NWD1: variants seen among roughly 807,000 people sequenced by gnomAD.
The protein encoded by NWD1 is NACHT and WD repeat domain containing 1, also known as NACHT domain- and WD repeat-containing protein 1.
A neutral mutation model predicts 135.1 loss-of-function variants in NWD1; 129 were observed. That is an observed-to-expected ratio of 0.96 (90% CI 0.83 to 1.11). NWD1 has a LOEUF of 1.11. NWD1 is among the 50% of genes least tolerant of loss of function. NWD1 has a pLI of 0.00. For synonymous variants in NWD1, 773 were observed against 786.0 expected (o/e 0.98, Z 0.28); for missense variants, 1,740 against 1,851.3 (o/e 0.94, Z 1.10).
In NWD1 at chr19:16,773,113, C is replaced by A. The variant is rs1969471573; in HGVS notation, c.2411-13C>A. 1 of 1,612,332 alleles carries A rather than the reference C, an allele frequency of 6.2e-7. No individual in the cohort carries two copies. Among genetic ancestry groups the A allele is most frequent in the South Asian group, 1.1e-5 (1 of 91,064 alleles). On this transcript the variant is annotated splice_polypyrimidine_tract_variant and intron_variant, in intron 10 of 18. Coordinates refer to ENST00000524140, the MANE Select transcript of NWD1 (RefSeq NM_001007525.5). The stretch of plus-strand genomic sequence containing the variant: ...TCAATCCAGGCAACTTAGTCTACAT[C>A]CCTTTGTTGCAGAGAGGAGCCTCCT...
intron 12 of NWD1, among the ~76,000 whole-genome samples, chr19:16,780,036 T>G (rs551600056): frequency 6.6e-6 from 1 of 152,104 alleles, no homozygotes; most frequent in African/African-American, 2.4e-5. Context: ...AGTCAGTCAG[T>G]GGATTATCTA....
rs527696514 is a variant in NWD1 at position 16,725,960 on chromosome 19, G to GT, written c.-7+1506dup. Among the ~76,000 whole-genome samples, 1,069 of 133,920 alleles carry GT rather than the reference G, an allele frequency of 8.0e-3. 9 individuals are homozygous for GT. The highest frequency in any genetic ancestry group is 0.041 in the South Asian group (169 of 4,088). 87.9% of individuals were successfully genotyped at this position (133,920 alleles called of 152,430 possible). ...TAGCTACATTGTTTTTTTTTTGTTT[G>GT]TTTTTTTTTGCTTTTTTTTTAGACA... On this transcript the variant is annotated intron_variant, in intron 2 of 18. Transcript: ENST00000524140.
At position 16,808,232 on chromosome 19, in the gene NWD1, C is replaced by T. The variant is rs141666135; in HGVS notation, c.4287+96C>T. Reference sequence around the variant, plus strand: ...CTAAGCACACACCATGGGCCATCGACCAGGATGGGACTGGGGTGATGAAAA... The same window carrying T: ...CTAAGCACACACCATGGGCCATCGATCAGGATGGGACTGGGGTGATGAAAA... On this transcript the variant is annotated intron_variant, in intron 18 of 18. Coordinates refer to ENST00000524140, the MANE Select transcript of NWD1 (RefSeq NM_001007525.5). 1,684 of 1,162,860 alleles carry T rather than the reference C, an allele frequency of 1.4e-3. 16 individuals carry two copies. In the African/African-American group the frequency reaches 0.022, roughly 15 times the overall value. 72.0% of individuals were successfully genotyped at this position (1,162,860 alleles called of 1,614,324 possible).
intron 9 of NWD1, 44 bp from the exon 10 acceptor site, chr19:16,764,990 G>A (rs999124069): frequency 6.9e-6 from 11 of 1,603,644 alleles, no homozygotes; most frequent in African/African-American, 6.7e-5. Context: ...ATGAACTGGA[G>A]GGAGGTAGGC....
intron 6 of NWD1, among the ~76,000 whole-genome samples, chr19:16,754,669 A>C (rs1468585900): frequency 6.7e-6 from 1 of 148,526 alleles, no homozygotes; most frequent in Admixed American, 6.7e-5. Flanking sequence ...CCTTGCATCC[A>C]TCATCTCTAT....
chr19:16,809,357 A>G (rs1203908030), intron 18 of NWD1, among the ~76,000 whole-genome samples: 1 of 151,970 alleles, frequency 6.6e-6, no homozygotes, highest in East Asian at 1.9e-4. Context: ...TACAGGTTTG[A>G]GCCACTGCAC....
At chr19:16,755,269 G>T (rs994759352) in intron 6 of NWD1, among the ~76,000 whole-genome samples, 1 of 152,122 alleles carries the variant, frequency 6.6e-6, no homozygotes, top group South Asian at 2.1e-4. Flanking sequence ...AGACTGGAGT[G>T]CACTGAAGCG....
intron 18 of NWD1, among the ~76,000 whole-genome samples, chr19:16,813,400 A>G (rs1458758008): frequency 6.6e-6 from 1 of 152,116 alleles, no homozygotes; most frequent in Non-Finnish European, 1.5e-5. Flanking sequence ...ATGTTTATAT[A>G]TGGTGTCTTC....
Position 16,790,638 on chromosome 19 carries a change from AAAAT to A in NWD1, c.2941-680_2941-677del, listed in dbSNP as rs1555730370. On this transcript the variant is annotated intron_variant, in intron 13 of 18. Coordinates refer to ENST00000524140, the MANE Select transcript of NWD1 (RefSeq NM_001007525.5). ...CCAAAACTGAAAGTAACATTAAAAA[AAAAT>A]AAATAAATAAATAAATAAATAAATA... Among the ~76,000 whole-genome samples, 87 of 56,948 alleles carry A rather than the reference AAAAT, an allele frequency of 1.5e-3. 2 individuals are homozygous for A. The East Asian group carries it at 0.019, about 13-fold the overall frequency. 37.4% of individuals were successfully genotyped at this position (56,948 alleles called of 152,430 possible).
At chr19:16,743,664 A>G (rs1031544057) in intron 4 of NWD1, among the ~76,000 whole-genome samples, 2 of 145,732 alleles carry the variant, frequency 1.4e-5, no homozygotes, top group Admixed American at 6.7e-5. Context: ...ATATTTATTT[A>G]TTTATTTATT....
rs539840352 is a variant in NWD1 at position 16,808,614 on chromosome 19, A to T, written c.4287+478A>T. Among the ~76,000 whole-genome samples the T allele has an allele frequency of 1.0e-3, 155 of 149,396 alleles. 2 individuals are homozygous for T. The South Asian group carries it at 0.023, about 22-fold the overall frequency. The stretch of plus-strand genomic sequence containing the variant: ...CAGAAGCAAAGTTTTTTTTGTTTTC[A>T]TTTTTTTTTTAAAGAGACAGGGACC... On this transcript the variant is annotated intron_variant, in intron 18 of 18. Transcript: ENST00000524140.
intron 4 of NWD1, among the ~76,000 whole-genome samples, chr19:16,739,728 C>T (rs935510941): frequency 2.0e-5 from 3 of 152,124 alleles, no homozygotes; most frequent in Admixed American, 2.0e-4. Context: ...AGTCATTAGG[C>T]AGCACCGAGG....
intron 10 of NWD1, among the ~76,000 whole-genome samples, chr19:16,771,781 T>C (rs1165617801): frequency 6.6e-6 from 1 of 151,210 alleles, no homozygotes; most frequent in East Asian, 1.9e-4. Context: ...CGCTGGCGAA[T>C]GGGGACCATT....
chr19:16,748,098 C>T (rs1968399166), intron 5 of NWD1, among the ~76,000 whole-genome samples: 1 of 152,180 alleles, frequency 6.6e-6, no homozygotes, highest in Non-Finnish European at 1.5e-5. Context: ...ATTCTCCTGT[C>T]TTAGCCTCTT....
Position 16,749,215 on chromosome 19 carries a change from G to C in NWD1, c.573G>C (p.Glu191Asp). ...AGGGAGCCACCGTCTTCCTTAGAGA[G>C]ATCCAAGACCTCCACAAACACATCC... ...REQGATVFLREIQDLHKHILE... is the reference protein window; with the variant it reads ...REQGATVFLRDIQDLHKHILE... The change falls in exon 6 of 19, where the codon GAG (glutamate) becomes GAC (aspartate). Residue 191 changes from glutamate to aspartate, a missense_variant. Glu to Asp is a conservative substitution (Grantham distance 45). Transcript: ENST00000524140. 6.2e-7 allele frequency: 1 copy of C among 1,614,100 alleles called. No individual in the cohort carries two copies. The highest frequency in any genetic ancestry group is 8.5e-7 in the Non-Finnish European group (1 of 1,180,020).
chr19:16,806,835 C>G (rs922047612), intron 17 of NWD1, among the ~76,000 whole-genome samples: 5 of 149,190 alleles, frequency 3.4e-5, no homozygotes, highest in Non-Finnish European at 6.0e-5. Flanking sequence ...GCCAATATAG[C>G]GAAACCCCGT....
chr19:16,767,982 C>CTTTTTTTT (rs963453075), intron 10 of NWD1, among the ~76,000 whole-genome samples: 10 of 83,598 alleles, frequency 1.2e-4, no homozygotes, highest in Non-Finnish European at 1.8e-4. Flanking sequence ...AATTTCCTTC[C>CTTTTTTTT]TTTTTTTTTT....
At position 16,779,835 on chromosome 19, in the gene NWD1, T is replaced by C. The variant is rs193149632; in HGVS notation, c.2731+370T>C. Among the ~76,000 whole-genome samples the C allele has an allele frequency of 7.2e-5, 11 of 152,158 alleles. No individual in the cohort carries two copies. The East Asian group carries it at 2.1e-3, about 30-fold the overall frequency. On this transcript the variant is annotated intron_variant, in intron 12 of 18. Transcript: ENST00000524140. ...AATGTTTTTAGAAATGGGGTCTTGC[T>C]ATGTTGCCCAGGCTGGTCTGAAACT... is the stretch of plus-strand genomic sequence containing the variant.
chr19:16,804,447 G>A (rs1374284628), intron 17 of NWD1, among the ~76,000 whole-genome samples: 1 of 151,840 alleles, frequency 6.6e-6, no homozygotes, highest in Admixed American at 6.6e-5. Flanking sequence ...AATTTAAAAG[G>A]TATCGGGCTT....
Sources: allele counts gnomAD v4.1 joint callset (sites outside exome capture counted in the v4.1 genomes callset), GRCh38; gene constraint gnomAD v4.1.1; transcripts MANE v1.5; gene names NCBI Gene and HGNC (gene_info 2026-07-23, HGNC 2026-07-21).